Variants in PTPRD observed in about 807,000 individuals in gnomAD.
PTPRD encodes protein tyrosine phosphatase receptor type D, also known as receptor-type tyrosine-protein phosphatase delta.
A neutral mutation model predicts 214.5 loss-of-function variants in PTPRD; 34 were observed. That is an observed-to-expected ratio of 0.16 (90% CI 0.12 to 0.21). PTPRD has a LOEUF of 0.21. Among genes scored for constraint, PTPRD ranks in the 10% least tolerant of loss-of-function variants. PTPRD has a pLI of 1.00. For synonymous variants in PTPRD, 1,128 were observed against 845.7 expected, an observed-to-expected ratio of 1.33 and a Z score of -5.79; for missense variants, 2,545 against 2,398.7, an observed-to-expected ratio of 1.06 and a Z score of -1.27.
intron 10 of PTPRD, among the ~76,000 whole-genome samples, chr9:9,063,251 A>T (rs2099710992): frequency 1.3e-5 from 2 of 152,176 alleles, no homozygotes; most frequent in Admixed American, 1.3e-4. Context: ...GATAAACTTG[A>T]AGATGGCTTC....
intron 12 of PTPRD, among the ~76,000 whole-genome samples, chr9:8,704,411 G>A (rs111533754): frequency 3.9e-5 from 6 of 152,022 alleles, no homozygotes; most frequent in East Asian, 3.9e-4. Flanking sequence ...ATGGGAAGAA[G>A]GAAAAAAAGG....
chr9:9,431,807 A>G (rs1315793901), intron 8 of PTPRD, among the ~76,000 whole-genome samples: 1 of 150,734 alleles, frequency 6.6e-6, no homozygotes, highest in Non-Finnish European at 1.5e-5. Context: ...ACAAGGACAG[A>G]AAACCATACA....
At chr9:8,482,192 C>A (rs535949127) in intron 30 of PTPRD, among the ~76,000 whole-genome samples, 2 of 152,180 alleles carry the variant, frequency 1.3e-5, no homozygotes, top group South Asian at 4.2e-4. Flanking sequence ...TTTTTTTATC[C>A]TTTAGGATGA....
At chr9:9,312,305 T>A (rs113442026) in intron 9 of PTPRD, among the ~76,000 whole-genome samples, 6 of 152,198 alleles carry the variant, frequency 3.9e-5, no homozygotes, top group African/African-American at 1.4e-4. Flanking sequence ...CAAAACCATG[T>A]AAATTCAACG....
intron 7 of PTPRD, among the ~76,000 whole-genome samples, chr9:9,631,344 AACGATT>A (rs1670148087): frequency 6.6e-6 from 1 of 152,150 alleles, no homozygotes; most frequent in African/African-American, 2.4e-5. Flanking sequence ...CAGCTGAAGG[AACGATT>A]ACATCATAGT....
At chr9:8,666,476 T>TATGG (rs1416258703) in intron 12 of PTPRD, among the ~76,000 whole-genome samples, 1 of 152,234 alleles carries the variant, frequency 6.6e-6, no homozygotes, top group Non-Finnish European at 1.5e-5. Context: ...ATGGAATTCG[T>TATGG]ATGGCTTCAT....
chr9:8,581,604 T>C (rs983251402), intron 14 of PTPRD, among the ~76,000 whole-genome samples: 2 of 151,942 alleles, frequency 1.3e-5, no homozygotes, highest in Non-Finnish European at 2.9e-5. Flanking sequence ...AAAAATTAGC[T>C]GGGCATGGTG....
At chr9:10,534,786 A>C (rs962215375) in intron 2 of PTPRD, among the ~76,000 whole-genome samples, 3 of 152,168 alleles carry the variant, frequency 2.0e-5, no homozygotes, top group South Asian at 2.1e-4. Context: ...GAGAGGCACC[A>C]TTTCATTTAA....
chr9:10,184,286 G>A (rs1028790042), intron 3 of PTPRD, among the ~76,000 whole-genome samples: 28 of 152,180 alleles, frequency 1.8e-4, no homozygotes, highest in African/African-American at 6.3e-4. Context: ...TTAGCCAGAC[G>A]TGGTGGCATG....
At chr9:10,079,386 G>A (rs2098192814) in intron 3 of PTPRD, among the ~76,000 whole-genome samples, 1 of 151,984 alleles carries the variant, frequency 6.6e-6, no homozygotes, top group South Asian at 2.1e-4. Flanking sequence ...AATATGTATT[G>A]GCAGGAATGA....
At chr9:9,401,446 C>A (rs2070429894) in intron 8 of PTPRD, among the ~76,000 whole-genome samples, 2 of 151,996 alleles carry the variant, frequency 1.3e-5, no homozygotes, top group African/African-American at 4.8e-5. Flanking sequence ...AGGACTTGGA[C>A]TGAAGTGGCA....
chr9:8,917,171 C>G (rs574496600), intron 11 of PTPRD, among the ~76,000 whole-genome samples: 329 of 149,630 alleles, frequency 2.2e-3, no homozygotes, highest in Non-Finnish European at 3.7e-3. Context: ...CCCTTTTGCC[C>G]AGGCTGAAGT....
rs916405650 is a variant in PTPRD, at chr9:10,285,736, G to A, written c.-545+55227C>T. Among the ~76,000 whole-genome samples the A allele has an allele frequency of 6.0e-5, 9 of 150,024 alleles. No individual in the cohort carries two copies. The East Asian group carries it at 1.6e-3, about 27-fold the overall frequency. On this transcript the variant is annotated intron_variant, in intron 3 of 45. Coordinates refer to ENST00000381196, the MANE Select transcript of PTPRD (RefSeq NM_002839.4). ...CGCCATTCTCCTGCCTCAGCCTCCC[G>A]AGTAGCTGGGATTACAGGCGCCTGC... is the stretch of plus-strand genomic sequence containing the variant.
chr9:8,787,142 A>T (rs1188970886), intron 11 of PTPRD, among the ~76,000 whole-genome samples: 1 of 152,094 alleles, frequency 6.6e-6, no homozygotes, highest in African/African-American at 2.4e-5. Flanking sequence ...GACCTGAGAA[A>T]ACTATATTAA....
At chr9:9,699,070 C>T (rs1421424836) in intron 7 of PTPRD, among the ~76,000 whole-genome samples, 1 of 152,076 alleles carries the variant, frequency 6.6e-6, no homozygotes, top group Non-Finnish European at 1.5e-5. Context: ...TGTTTATTGA[C>T]TGTGAAAATG....
chr9:8,575,082 A>G (rs142915688), intron 14 of PTPRD, among the ~76,000 whole-genome samples: 70 of 152,204 alleles, frequency 4.6e-4, no homozygotes, highest in African/African-American at 1.6e-3. Context: ...CTGTCCTCGT[A>G]CTCTACGAAT....
intron 7 of PTPRD, among the ~76,000 whole-genome samples, chr9:9,734,301 C>G (rs965826415): frequency 6.6e-6 from 1 of 152,080 alleles, no homozygotes. Context: ...TTGGAATGTT[C>G]TTCTAACCCA....
intron 11 of PTPRD, among the ~76,000 whole-genome samples, chr9:9,015,328 A>G (rs948644125): frequency 6.6e-6 from 1 of 152,144 alleles, no homozygotes; most frequent in Non-Finnish European, 1.5e-5. Context: ...GTTGCAGTAA[A>G]GGAGCTGGCC....
chr9:10,394,784 AGAAT>A (rs759984836), intron 2 of PTPRD, among the ~76,000 whole-genome samples: 3 of 34,276 alleles, frequency 8.8e-5, no homozygotes, highest in Non-Finnish European at 1.7e-4. Context: ...TTTGTTAAAT[AGAAT>A]AAACGTCAAT....
Sources: allele counts gnomAD v4.1 joint callset (sites outside exome capture counted in the v4.1 genomes callset), GRCh38; gene constraint gnomAD v4.1.1; transcripts MANE v1.5; gene names NCBI Gene and HGNC (gene_info 2026-07-23, HGNC 2026-07-21).